The following NSRP1 variants were observed in gnomAD, a reference collection of about 807,000 sequenced individuals.
NSRP1 encodes the protein coiled-coil domain containing 55.
In NSRP1, 24 loss-of-function variants were observed where a neutral mutation model predicts 54.7. The observed-to-expected ratio is 0.44, with a 90% CI of 0.32 to 0.62. The LOEUF (loss-of-function observed/expected upper bound fraction) is 0.62, where lower values mean the gene tolerates loss of function less well. Ranked by LOEUF, NSRP1 falls within the 20% of genes least tolerant of loss-of-function variation. The pLI is 0.06. For missense variants in NSRP1, 596 were observed against 651.2 expected, an observed-to-expected ratio of 0.92 and a Z score of 0.92; for synonymous variants, 210 against 213.8, an observed-to-expected ratio of 0.98 and a Z score of 0.15.
intron 6 of NSRP1, among the ~76,000 whole-genome samples, chr17:30,184,230 C>T (rs1905421557): frequency 6.6e-6 from 1 of 152,268 alleles, no homozygotes; most frequent in South Asian, 2.1e-4. Flanking sequence ...ACAAATCCAA[C>T]AGTCACAACT....
Position 30,117,533 on chromosome 17 carries a change from A to G in NSRP1, c.21-547A>G, listed in dbSNP as rs1597588884. The G allele has an allele frequency of 9.8e-6, 4 of 406,290 alleles. No homozygotes were observed. In the South Asian group the frequency reaches 4.0e-4, roughly 40 times the overall value. The allele number at this position is 406,290 out of a possible 1,614,324, so 25.2% of individuals were successfully genotyped here. A position where few individuals can be genotyped will look rare whatever the true frequency, so the allele number is the denominator to read the frequency against. ...TCTCAGATGCTCCGAGGCAAAGCAC[A>G]TGATCTTAATAAAGTGTAATGCGAA... On this transcript the variant is annotated intron_variant, in intron 1 of 6. Coordinates refer to ENST00000247026, the MANE Select transcript of NSRP1 (RefSeq NM_032141.4).
chr17:30,165,245 C>G (rs926980310), intron 2 of NSRP1, among the ~76,000 whole-genome samples: 2 of 152,100 alleles, frequency 1.3e-5, no homozygotes, highest in African/African-American at 4.8e-5. Context: ...AATTAAGTAT[C>G]TTGATTACGG....
intron 2 of NSRP1, among the ~76,000 whole-genome samples, chr17:30,130,917 ATT>A (rs2071693811): frequency 1.3e-5 from 2 of 152,208 alleles, no homozygotes; most frequent in African/African-American, 2.4e-5. Context: ...TTCAACAGAT[ATT>A]TATTGATCAC....
chr17:30,167,602 C>CGA (rs570414543), intron 2 of NSRP1, among the ~76,000 whole-genome samples: 79 of 151,552 alleles, frequency 5.2e-4, no homozygotes, highest in Middle Eastern at 3.4e-3. Flanking sequence ...GAGTGAGACT[C>CGA]TGTCTTAAAA....
At chr17:30,121,916 A>G (rs1330091477) in intron 2 of NSRP1, among the ~76,000 whole-genome samples, 5 of 152,058 alleles carry the variant, frequency 3.3e-5, no homozygotes, top group Middle Eastern at 3.4e-3. Context: ...TGTTTAGAAC[A>G]TTTTCCTCAC....
intron 2 of NSRP1, among the ~76,000 whole-genome samples, chr17:30,129,060 A>ATT (rs879595404): frequency 6.8e-6 from 1 of 146,560 alleles, no homozygotes; most frequent in Non-Finnish European, 1.5e-5. Context: ...GCCTGGCATG[A>ATT]TTTTTTTTTT....
chr17:30,145,399 A>C (rs2071845003), intron 2 of NSRP1, among the ~76,000 whole-genome samples: 1 of 152,212 alleles, frequency 6.6e-6, no homozygotes, highest in Non-Finnish European at 1.5e-5. Context: ...TCTGGCCAAC[A>C]TGGTGAAACC....
intron 2 of NSRP1, among the ~76,000 whole-genome samples, chr17:30,163,493 AT>A (rs935433236): frequency 6.6e-6 from 1 of 151,986 alleles, no homozygotes; most frequent in Non-Finnish European, 1.5e-5. Flanking sequence ...AACGGTAAAG[AT>A]TTTTTATTTT....
At chr17:30,143,562 A>G (rs1292372670) in intron 2 of NSRP1, among the ~76,000 whole-genome samples, 3 of 152,268 alleles carry the variant, frequency 2.0e-5, no homozygotes, top group Admixed American at 6.5e-5. Flanking sequence ...TGTGTAGAAA[A>G]GGTTATAAGA....
intron 2 of NSRP1, among the ~76,000 whole-genome samples, chr17:30,118,793 G>A (rs2071569097): frequency 6.7e-6 from 1 of 149,228 alleles, no homozygotes; most frequent in Non-Finnish European, 1.5e-5. Flanking sequence ...CAGTTGCCCA[G>A]GCTGGAGTGC....
chr17:30,170,180 T>G (rs1441984451), intron 2 of NSRP1, among the ~76,000 whole-genome samples: 1 of 152,148 alleles, frequency 6.6e-6, no homozygotes, highest in African/African-American at 2.4e-5. Context: ...AGTGTCAGTA[T>G]ATTTGCAAAT....
intron 2 of NSRP1, among the ~76,000 whole-genome samples, chr17:30,123,162 C>T (rs952804104): frequency 2.0e-5 from 3 of 152,120 alleles, no homozygotes; most frequent in East Asian, 1.9e-4. Context: ...TGCAGTGGCA[C>T]GAACTTGGCT....
intron 2 of NSRP1, among the ~76,000 whole-genome samples, chr17:30,169,522 T>C (rs1904849407): frequency 6.6e-6 from 1 of 152,106 alleles, no homozygotes. Context: ...ATATTAACTA[T>C]TACTTTCAGT....
At chr17:30,135,496 C>T (rs879278693) in intron 2 of NSRP1, among the ~76,000 whole-genome samples, 12 of 150,860 alleles carry the variant, frequency 8.0e-5, no homozygotes, top group Admixed American at 6.6e-4. Context: ...GTTTTTCAGA[C>T]GGAGTCTTAC....
chr17:30,121,775 G>C (rs1229546308), intron 2 of NSRP1, among the ~76,000 whole-genome samples: 1 of 152,014 alleles, frequency 6.6e-6, no homozygotes, highest in East Asian at 1.9e-4. Flanking sequence ...TCACCATGTT[G>C]ATCAGGCTGG....
At chr17:30,154,985 A>G (rs942190415) in intron 2 of NSRP1, among the ~76,000 whole-genome samples, 2 of 152,170 alleles carry the variant, frequency 1.3e-5, no homozygotes, top group African/African-American at 4.8e-5. Flanking sequence ...ATGTGCTTAA[A>G]ACATCTTTAG....
intron 2 of NSRP1, among the ~76,000 whole-genome samples, chr17:30,133,071 G>A (rs1327871352): frequency 3.3e-5 from 5 of 151,276 alleles, no homozygotes; most frequent in African/African-American, 1.2e-4. Context: ...AGCCTCCTGA[G>A]TAGCATGGGC....
intron 2 of NSRP1, among the ~76,000 whole-genome samples, chr17:30,171,934 T>TCC (rs1401311149): frequency 8.8e-6 from 1 of 113,346 alleles, no homozygotes; most frequent in Non-Finnish European, 1.7e-5. Context: ...TCCCCATTTC[T>TCC]CACACACACA....
At chr17:30,168,613 T>A (rs971944517) in intron 2 of NSRP1, among the ~76,000 whole-genome samples, 4 of 148,922 alleles carry the variant, frequency 2.7e-5, no homozygotes, top group African/African-American at 9.8e-5. Flanking sequence ...TAATAATAAA[T>A]AAAATAAAAT....
Sources: gnomAD v4.1 joint callset for allele counts (sites outside exome capture counted in the v4.1 genomes callset) on GRCh38, gnomAD v4.1.1 for gene constraint, MANE v1.5 for transcripts, NCBI Gene and HGNC (gene_info 2026-07-23, HGNC 2026-07-21) for gene names.